Variants in LAMA2 observed in about 807,000 individuals in gnomAD.
LAMA2 encodes laminin subunit alpha 2.
In LAMA2, 269 loss-of-function variants were observed where a neutral mutation model predicts 364.8. That is an observed-to-expected ratio of 0.74 (90% confidence interval 0.67 to 0.82). LAMA2 has a LOEUF of 0.82. Among genes scored for constraint, LAMA2 ranks in the 40% least tolerant of loss-of-function variants. The pLI, the probability that LAMA2 is intolerant of heterozygous loss-of-function variation, is 0.00. For missense variants in LAMA2, 3,807 were observed against 3,873.2 expected (o/e 0.98, Z 0.45); for synonymous variants, 1,379 against 1,370.6 (o/e 1.01, Z -0.14).
chr6:128,912,992 G>A (rs546611059), intron 1 of LAMA2, among the ~76,000 whole-genome samples: 1 of 152,112 alleles, frequency 6.6e-6, no homozygotes, highest in Non-Finnish European at 1.5e-5. Flanking sequence ...TTGACAAATT[G>A]GGAGAACACA....
intron 1 of LAMA2, among the ~76,000 whole-genome samples, chr6:128,917,714 C>CTTTT (rs1440351156): frequency 2.7e-5 from 3 of 111,318 alleles, no homozygotes; most frequent in Admixed American, 9.1e-5. Flanking sequence ...TTTTTTCTTT[C>CTTTT]TTTCTTTCTT....
chr6:129,445,557 T>C (rs1782323208), intron 44 of LAMA2, 110 bp from the exon 45 acceptor site: 1 of 935,866 alleles, frequency 1.1e-6, no homozygotes, highest in African/African-American at 1.6e-5. Context: ...ATGGCCATGC[T>C]TTGTCACATT....
At chr6:129,187,172 T>G (rs1474161902) in intron 10 of LAMA2, among the ~76,000 whole-genome samples, 1 of 151,666 alleles carries the variant, frequency 6.6e-6, no homozygotes, top group Non-Finnish European at 1.5e-5. Flanking sequence ...GGAATGCAAT[T>G]AGGGGCTGAC....
intron 19 of LAMA2, 68 bp from the exon 20 acceptor site, chr6:129,291,546 A>AT: frequency 9.4e-7 from 1 of 1,068,092 alleles, no homozygotes; most frequent in Non-Finnish European, 1.4e-6. Context: ...GGGGTATATT[A>AT]TTATTTAACA....
chr6:129,190,463 G>A, intron 11 of LAMA2, 118 bp downstream of exon 11: 1 of 1,030,856 alleles, frequency 9.7e-7, no homozygotes, highest in East Asian at 2.7e-5. Flanking sequence ...GTTACAGGAA[G>A]AAGTAATGGA....
chr6:129,045,087 C>A (rs1303448610), intron 1 of LAMA2, among the ~76,000 whole-genome samples: 3 of 152,084 alleles, frequency 2.0e-5, no homozygotes, highest in Non-Finnish European at 4.4e-5. Context: ...TAATTGGAGA[C>A]CTTTGCTGAC....
chr6:129,300,373 A>G (rs796589695), intron 21 of LAMA2, among the ~76,000 whole-genome samples: 3 of 152,300 alleles, frequency 2.0e-5, no homozygotes, highest in African/African-American at 7.2e-5. Context: ...TTAGAAATGA[A>G]CTTAAAATAA....
intron 1 of LAMA2, among the ~76,000 whole-genome samples, chr6:128,990,167 G>A: frequency 6.6e-6 from 1 of 152,146 alleles, no homozygotes; most frequent in East Asian, 1.9e-4. Flanking sequence ...GTGTTTATTA[G>A]ATTCTGTTGT....
Position 129,453,062 on chromosome 6 carries a change from T to C in LAMA2, c.6504T>C (p.Asn2168=). ...YKPEIKKGSY[N]NIVVNVKTAV... is the part of the protein sequence containing the mutation. ...CAGAAATCAAGAAAGGAAGTTACAA[T>C]AATATTGTTGTCAACGTAAAGACAG... Residue 2168 remains asparagine (N), a synonymous_variant, in exon 46 of 65, where the codon AAT becomes AAC. Transcript: ENST00000421865. 6.2e-7 allele frequency: 1 copy of C among 1,612,726 alleles called. No individual in the cohort carries two copies. Among genetic ancestry groups the C allele is most frequent in the African/African-American group, 1.3e-5 (1 of 74,992 alleles).
At chr6:129,158,972 A>G in intron 8 of LAMA2, 1 of 1,589,348 alleles carries the variant, frequency 6.3e-7, no homozygotes, top group Non-Finnish European at 8.6e-7. Context: ...CTCTGGTGCT[A>G]AGGTTACTCC....
At chr6:129,253,109 G>A (rs1471400964) in intron 14 of LAMA2, among the ~76,000 whole-genome samples, 1 of 151,920 alleles carries the variant, frequency 6.6e-6, no homozygotes, top group Non-Finnish European at 1.5e-5. Context: ...GCTGTAAGGC[G>A]GCTTTGTTTT....
chr6:128,966,003 A>G (rs1430478335), intron 1 of LAMA2, among the ~76,000 whole-genome samples: 1 of 109,208 alleles, frequency 9.2e-6, no homozygotes, highest in Non-Finnish European at 1.9e-5. Flanking sequence ...TTTTTTTTGA[A>G]CAATCTGACT....
intron 4 of LAMA2, among the ~76,000 whole-genome samples, chr6:129,138,125 G>A (rs959347437): frequency 1.1e-4 from 16 of 152,042 alleles, no homozygotes; most frequent in African/African-American, 3.9e-4. Flanking sequence ...AAGTAAAAAT[G>A]ATTCAGTGAC....
At chr6:129,147,884 C>A (rs1270128556) in intron 6 of LAMA2, among the ~76,000 whole-genome samples, 1 of 152,044 alleles carries the variant, frequency 6.6e-6, no homozygotes, top group Non-Finnish European at 1.5e-5. Context: ...AGCTGCAGTG[C>A]TGCTTTCTGC....
chr6:128,945,788 T>C (rs1393678151), intron 1 of LAMA2, among the ~76,000 whole-genome samples: 2 of 152,180 alleles, frequency 1.3e-5, no homozygotes, highest in Non-Finnish European at 2.9e-5. Flanking sequence ...TTGAGTGTGA[T>C]TGGAGCCTGT....
intron 8 of LAMA2, among the ~76,000 whole-genome samples, chr6:129,164,081 T>C (rs2114991111): frequency 6.6e-6 from 1 of 152,312 alleles, no homozygotes. Flanking sequence ...TCTAATACAG[T>C]AGTCCTCCTT....
rs1386822748 is a variant in LAMA2, at chr6:129,315,730, C to T, written c.3736-32C>T. On this transcript the variant is annotated intron_variant, in intron 25 of 64. Coordinates refer to ENST00000421865, the MANE Select transcript of LAMA2 (RefSeq NM_000426.4). Reference sequence around the variant, plus strand: ...AGAATCACACCATTTGGAGATTTATCCAATTCCTCATTCTTCTTTTTATTT... The same window carrying T: ...AGAATCACACCATTTGGAGATTTATTCAATTCCTCATTCTTCTTTTTATTT... 5 of 1,611,844 alleles carry T rather than the reference C, an allele frequency of 3.1e-6. No individual in the cohort carries two copies. In the South Asian group the frequency reaches 3.3e-5, roughly 11 times the overall value.
chr6:129,300,305 G>A lies in LAMA2; in HGVS notation c.3038-431G>A, dbSNP rs11968519. On this transcript the variant is annotated intron_variant, in intron 21 of 64. Transcript: ENST00000421865. ...ATTTAAGAAGCTTATTAAGCTTATT[G>A]GTTTTTACTGCAGATCGGGCTCATC... 7.1e-3 allele frequency among the ~76,000 whole-genome samples: 1,078 copies of A among 152,198 alleles called. 12 individuals are homozygous for A. The highest frequency in any genetic ancestry group is 0.025 in the African/African-American group (1,041 of 41,546).
intron 1 of LAMA2, among the ~76,000 whole-genome samples, chr6:128,945,274 C>A (rs148933896): frequency 1.3e-5 from 2 of 152,208 alleles, no homozygotes; most frequent in East Asian, 1.9e-4. Context: ...ATTTTTAAAA[C>A]CTTGACCTAT....
Sources: allele counts gnomAD v4.1 joint callset (sites outside exome capture counted in the v4.1 genomes callset), GRCh38; gene constraint gnomAD v4.1.1; transcripts MANE v1.5; gene names NCBI Gene and HGNC (gene_info 2026-07-23, HGNC 2026-07-21).